Variants in IFT80 observed in about 807,000 individuals in gnomAD.
The protein encoded by IFT80 is intraflagellar transport 80, also known as intraflagellar transport protein 80 homolog.
Under a neutral mutation model 107.9 loss-of-function variants are expected in IFT80, and 79 were observed. That is an observed-to-expected ratio of 0.73 (90% CI 0.61 to 0.88). The LOEUF (loss-of-function observed/expected upper bound fraction) is 0.88, where lower values mean the gene tolerates loss of function less well. Ranked by LOEUF, IFT80 falls within the 40% of genes least tolerant of loss-of-function variation. The pLI, the probability that IFT80 is intolerant of heterozygous loss-of-function variation, is 0.00. For missense variants in IFT80, 797 were observed against 914.2 expected, an observed-to-expected ratio of 0.87 and a Z score of 1.65; for synonymous variants, 299 against 300.9, an observed-to-expected ratio of 0.99 and a Z score of 0.07.
chr3:160,391,302 T>C (rs1713362694), intron 1 of IFT80, among the ~76,000 whole-genome samples: 3 of 152,110 alleles, frequency 2.0e-5, no homozygotes. Context: ...CCAACAGTAA[T>C]AGTACGTACC....
intron 8 of IFT80, 50 bp from the exon 9 acceptor site, chr3:160,319,989 T>A (rs1718090882): frequency 2.1e-6 from 3 of 1,433,608 alleles, no homozygotes; most frequent in Non-Finnish European, 2.9e-6. Context: ...AAAAAATTTT[T>A]AGGAAGTTTT....
At chr3:160,358,797 TATA>T (rs915826060) in intron 6 of IFT80, among the ~76,000 whole-genome samples, 2 of 152,216 alleles carry the variant, frequency 1.3e-5, no homozygotes, top group Non-Finnish European at 2.9e-5. Context: ...TTGTTAAACA[TATA>T]ATAATTTTTA....
rs971761468 is a variant in IFT80 at position 160,300,866 on chromosome 3, T to C, written c.1315+17A>G. On this transcript the variant is annotated intron_variant, in intron 12 of 19. Coordinates refer to ENST00000326448, the MANE Select transcript of IFT80 (RefSeq NM_020800.3). ...AAATTTCATATTTGACAGGAAAAAT[T>C]ATAAAAATATACTTACTTTTTTCAT... 1 of 1,572,970 alleles carries C rather than the reference T, an allele frequency of 6.4e-7. No individual in the cohort carries two copies. Among genetic ancestry groups the C allele is most frequent in the African/African-American group, 1.4e-5 (1 of 73,278 alleles).
chr3:160,349,002 T>C (rs561488566), intron 8 of IFT80, among the ~76,000 whole-genome samples: 7 of 151,958 alleles, frequency 4.6e-5, no homozygotes, highest in Admixed American at 2.0e-4. Flanking sequence ...AAAATTAGAG[T>C]TTTGTAACGG....
At chr3:160,269,586 A>G (rs1402413754) in intron 18 of IFT80, among the ~76,000 whole-genome samples, 2 of 152,230 alleles carry the variant, frequency 1.3e-5, no homozygotes, top group South Asian at 4.1e-4. Context: ...GGTATAAACT[A>G]AAGACATAAA....
intron 5 of IFT80, among the ~76,000 whole-genome samples, chr3:160,373,101 T>C (rs1226001103): frequency 6.6e-6 from 1 of 152,078 alleles, no homozygotes; most frequent in East Asian, 1.9e-4. Flanking sequence ...AGAGATGGGG[T>C]TTTGCCATGT....
chr3:160,393,460 C>T (rs140811944), intron 1 of IFT80, among the ~76,000 whole-genome samples: 1 of 152,076 alleles, frequency 6.6e-6, no homozygotes, highest in African/African-American at 2.4e-5. Context: ...ATATAAGGTA[C>T]CTAGAGTAGT....
chr3:160,358,556 G>A (rs1268474034), intron 6 of IFT80, among the ~76,000 whole-genome samples: 1 of 151,324 alleles, frequency 6.6e-6, no homozygotes, highest in African/African-American at 2.4e-5. Flanking sequence ...ATCTGTGGGG[G>A]ATTGGTTCCA....
In IFT80 at chr3:160,300,984, GA is replaced by G; in HGVS notation, c.1213del (p.Ser405HisfsTer8). On this transcript the variant is annotated frameshift_variant, in exon 12 of 20. Transcript: ENST00000326448. LOFTEE classifies it high-confidence loss of function. Reference protein sequence around the residue: ...YLYSYEGRFISSPKFPGMRTD... With the variant: ...YLYSYEGRFIXSPKFPGMRTD... ...TCTCATTCCAGGAAATTTTGGAGAT[GA>G]AATAAAGCGCCCTTCATATGAATAT... 6.2e-7 allele frequency: 1 copy of G among 1,606,498 alleles called. No individual in the cohort carries two copies. The highest frequency in any genetic ancestry group is 8.5e-7 in the Non-Finnish European group (1 of 1,174,782).
rs573279767 is a variant in IFT80, at chr3:160,354,500, A to G, written c.777+1513T>C. On this transcript the variant is annotated intron_variant, in intron 8 of 19. Coordinates refer to ENST00000326448, the MANE Select transcript of IFT80 (RefSeq NM_020800.3). ...CCGTCTCCGCTAAAAACACACCAAA[A>G]AAACTAGCCGGGCGTGGTGACGAGT... 1.3e-3 allele frequency among the ~76,000 whole-genome samples: 198 copies of G among 152,142 alleles called. 1 individual carries two copies. Among genetic ancestry groups the G allele is most frequent in the African/African-American group, 4.6e-3 (190 of 41,500 alleles).
At chr3:160,291,641 G>A (rs1715567241) in intron 12 of IFT80, among the ~76,000 whole-genome samples, 1 of 152,220 alleles carries the variant, frequency 6.6e-6, no homozygotes. Flanking sequence ...TGCACTGCAT[G>A]CTGTTTGCCT....
intron 11 of IFT80, 35 bp downstream of exon 11, chr3:160,303,880 A>C: frequency 1.5e-6 from 2 of 1,357,438 alleles, no homozygotes; most frequent in Non-Finnish European, 2.1e-6. Context: ...TATTTATTTT[A>C]ACCCCAGATC....
At position 160,280,885 on chromosome 3, in the gene IFT80, G is replaced by A. The variant is rs1714639332; in HGVS notation, c.1517-71C>T. Reference sequence around the variant, plus strand: ...AGAATTAAAAATAGATCTTTAAAATGCCTGACAAACAAAATCCCATACAAT... The same window carrying A: ...AGAATTAAAAATAGATCTTTAAAATACCTGACAAACAAAATCCCATACAAT... On this transcript the variant is annotated intron_variant, in intron 14 of 19. Coordinates refer to ENST00000326448, the MANE Select transcript of IFT80 (RefSeq NM_020800.3). 2.2e-6 allele frequency: 3 copies of A among 1,354,558 alleles called. No homozygotes were observed. The East Asian group carries it at 7.4e-5, about 34-fold the overall frequency. 83.9% of individuals were successfully genotyped at this position (1,354,558 alleles called of 1,614,324 possible).
rs143371275 is a variant in IFT80 at position 160,353,184 on chromosome 3, T to C, written c.777+2829A>G. On this transcript the variant is annotated intron_variant, in intron 8 of 19. Transcript: ENST00000326448. ...GTTCCTTTCACCTCAAAGCAGTATT[T>C]CCAACATTTGAATACTACCATGTTA... Among the ~76,000 whole-genome samples, 1,477 of 152,298 alleles carry C rather than the reference T, an allele frequency of 9.7e-3. 25 individuals carry two copies. The highest frequency in any genetic ancestry group is 0.012 in the Admixed American group (184 of 15,288).
At chr3:160,343,832 A>G in intron 8 of IFT80, 1 of 297,248 alleles carries the variant, frequency 3.4e-6, no homozygotes, top group Non-Finnish European at 6.7e-6. Context: ...ACAAAACAGA[A>G]TTTATTTTAT....
intron 9 of IFT80, among the ~76,000 whole-genome samples, chr3:160,314,778 T>C (rs1018530599): frequency 2.6e-5 from 4 of 152,146 alleles, no homozygotes; most frequent in African/African-American, 9.7e-5. Context: ...CAGAGAGATC[T>C]TCCCAGAAAG....
chr3:160,375,844 G>A lies in IFT80; in HGVS notation c.407C>T (p.Thr136Ile), dbSNP rs757654580. 6.2e-7 allele frequency: 1 copy of A among 1,611,654 alleles called. No individual in the cohort carries two copies. Among genetic ancestry groups the A allele is most frequent in the African/African-American group, 1.3e-5 (1 of 74,778 alleles). ...EDGQIKIWSK[T>I]GMLRSTLAQQ... ...AGCTAAAGTTGATCTAAGCATCCCA[G>A]TCTTTGACCAAATTTTTATTTGTCC... is the stretch of plus-strand genomic sequence containing the variant. The change falls in exon 5 of 20, where the codon ACT becomes ATT. Residue 136 changes from threonine to isoleucine, a missense_variant. Physicochemically the swap from Thr to Ile is moderately conservative, Grantham distance 89. Transcript: ENST00000326448.
chr3:160,308,330 G>A (rs775703554), intron 9 of IFT80, among the ~76,000 whole-genome samples: 15 of 151,990 alleles, frequency 9.9e-5, no homozygotes, highest in Non-Finnish European at 1.6e-4. Flanking sequence ...AAAACACAAA[G>A]ACAGTGTCTA....
At chr3:160,286,691 G>GT (rs550001059) in intron 12 of IFT80, among the ~76,000 whole-genome samples, 16 of 152,118 alleles carry the variant, frequency 1.1e-4, no homozygotes, top group Non-Finnish European at 1.8e-4. Flanking sequence ...ATATTTTGGG[G>GT]TATCAGTTTC....
Sources: gnomAD v4.1 joint callset for allele counts (sites outside exome capture counted in the v4.1 genomes callset) on GRCh38, gnomAD v4.1.1 for gene constraint, MANE v1.5 for transcripts, NCBI Gene and HGNC (gene_info 2026-07-23, HGNC 2026-07-21) for gene names.